TACR1: variants seen among roughly 807,000 people sequenced by gnomAD.
TACR1 encodes the protein tachykinin receptor 1.
In TACR1, 25 loss-of-function variants were observed where a neutral mutation model predicts 35.8. The ratio of observed to expected loss-of-function variants is 0.70; its 90% CI spans 0.51 to 0.98. The LOEUF (loss-of-function observed/expected upper bound fraction) is 0.98. Ranked by LOEUF, TACR1 falls within the 50% of genes least tolerant of loss-of-function variation. The pLI, the probability that TACR1 is intolerant of heterozygous loss-of-function variation, is 0.00. For missense variants in TACR1, 478 were observed against 522.9 expected (o/e 0.91, Z 0.84); for synonymous variants, 195 against 206.7 (o/e 0.94, Z 0.48).
intron 1 of TACR1, among the ~76,000 whole-genome samples, chr2:75,169,264 TTCC>T (rs1040033209): frequency 6.6e-6 from 1 of 152,218 alleles, no homozygotes; most frequent in African/African-American, 2.4e-5. Context: ...GTTTCGTTTA[TTCC>T]TCCTTTGAGT....
At chr2:75,153,756 G>T (rs973048945) in intron 1 of TACR1, among the ~76,000 whole-genome samples, 3 of 152,162 alleles carry the variant, frequency 2.0e-5, no homozygotes, top group African/African-American at 4.8e-5. Flanking sequence ...GATCCAGGTG[G>T]ACCAACCAGG....
rs541644332 is a variant in TACR1 at position 75,049,268 on chromosome 2, A to AT, written c.*163dup. On this transcript the variant is annotated 3_prime_UTR_variant, in exon 5 of 5. Transcript: ENST00000305249. ...GTGGCAAAGATAGGGAAGAATTGAG[A>AT]TTTTTTGACTCAAGGATGGAATGTT... The AT allele has an allele frequency of 2.4e-3, 1,848 of 756,320 alleles. 4 individuals carry two copies. Among genetic ancestry groups the AT allele is most frequent in the Non-Finnish European group, 3.5e-3 (1,702 of 482,164 alleles). The allele number at this position is 756,320 out of a possible 1,614,324, so 46.9% of individuals were successfully genotyped here.
chr2:75,088,506 A>G (rs1258598981), intron 2 of TACR1, among the ~76,000 whole-genome samples: 1 of 152,150 alleles, frequency 6.6e-6, no homozygotes. Flanking sequence ...TAGAGGGATA[A>G]TGTTTGTTTT....
At chr2:75,057,119 A>G (rs1414815442) in intron 2 of TACR1, among the ~76,000 whole-genome samples, 1 of 152,208 alleles carries the variant, frequency 6.6e-6, no homozygotes, top group African/African-American at 2.4e-5. Context: ...ATCCCCTGTG[A>G]CCTGCACGTA....
chr2:75,168,200 G>A (rs558791393), intron 1 of TACR1, among the ~76,000 whole-genome samples: 3 of 152,156 alleles, frequency 2.0e-5, no homozygotes, highest in South Asian at 2.1e-4. Context: ...TTGGTTAAAC[G>A]AGCTATGACC....
intron 2 of TACR1, among the ~76,000 whole-genome samples, chr2:75,085,911 C>G (rs1471990617): frequency 6.6e-6 from 1 of 152,146 alleles, no homozygotes; most frequent in Non-Finnish European, 1.5e-5. Flanking sequence ...TAGTATGCAC[C>G]AGTATTTTTA....
intron 1 of TACR1, among the ~76,000 whole-genome samples, chr2:75,182,575 T>G (rs1251879241): frequency 6.6e-6 from 1 of 152,234 alleles, no homozygotes; most frequent in African/African-American, 2.4e-5. Context: ...GCTGAAAGAT[T>G]GTTATTGCCT....
intron 1 of TACR1, among the ~76,000 whole-genome samples, chr2:75,182,470 G>A (rs954203333): frequency 2.0e-5 from 3 of 152,188 alleles, no homozygotes; most frequent in Non-Finnish European, 2.9e-5. Flanking sequence ...CATACTGACA[G>A]TGTGAATTTT....
chr2:75,137,362 A>G (rs1317024197), intron 1 of TACR1, among the ~76,000 whole-genome samples: 4 of 152,240 alleles, frequency 2.6e-5, no homozygotes, highest in Admixed American at 6.5e-5. Flanking sequence ...ACATATAGGT[A>G]GAGTGGTCAC....
At chr2:75,126,836 A>C (rs1009479952) in intron 1 of TACR1, among the ~76,000 whole-genome samples, 2 of 152,214 alleles carry the variant, frequency 1.3e-5, no homozygotes, top group Non-Finnish European at 2.9e-5. Flanking sequence ...GGCAAAGGAC[A>C]TGAACAGACA....
chr2:75,049,576 TG>T lies in TACR1; in HGVS notation c.1079del (p.Thr360LysfsTer23), dbSNP rs771045492. 3 of 1,614,156 alleles carry T rather than the reference TG, an allele frequency of 1.9e-6. No homozygotes were observed. The South Asian group carries it at 3.3e-5, about 18-fold the overall frequency. On this transcript the variant is annotated frameshift_variant, in exon 5 of 5. Transcript: ENST00000305249. LOFTEE classifies it high-confidence loss of function. Reference protein sequence around the residue: ...KVSRLETTISTVVGAHEEEPE... With the variant: ...KVSRLETTISXVVGAHEEEPE... ...GCTCCTCCTCGTGGGCCCCCACCAC[TG>T]TGGAGATGGTGGTCTCCAGGCGGCT...
chr2:75,151,348 C>T (rs563030476), intron 1 of TACR1, among the ~76,000 whole-genome samples: 3 of 152,194 alleles, frequency 2.0e-5, no homozygotes, highest in Non-Finnish European at 4.4e-5. Context: ...GGATCTGGCC[C>T]AGGGTCCCTG....
chr2:75,064,003 T>C (rs1049484440), intron 2 of TACR1, among the ~76,000 whole-genome samples: 3 of 151,894 alleles, frequency 2.0e-5, no homozygotes, highest in Non-Finnish European at 4.4e-5. Flanking sequence ...CAGCATGACA[T>C]GCATGATGAA....
chr2:75,111,696 A>G (rs1419709455), intron 2 of TACR1, among the ~76,000 whole-genome samples: 1 of 152,030 alleles, frequency 6.6e-6, no homozygotes, highest in African/African-American at 2.4e-5. Flanking sequence ...TAACAGAAAA[A>G]GTCAGAATAG....
intron 2 of TACR1, among the ~76,000 whole-genome samples, chr2:75,069,915 T>C (rs2103812981): frequency 6.6e-6 from 1 of 152,282 alleles, no homozygotes; most frequent in East Asian, 1.9e-4. Flanking sequence ...TTTTCTTTCT[T>C]TCCATACTCT....
chr2:75,107,995 A>C (rs935313741), intron 2 of TACR1, among the ~76,000 whole-genome samples: 3 of 152,084 alleles, frequency 2.0e-5, no homozygotes, highest in Admixed American at 2.0e-4. Context: ...ACTATGAAAT[A>C]GATTTTTTTC....
At chr2:75,099,393 TTC>T (rs977222198) in intron 2 of TACR1, among the ~76,000 whole-genome samples, 10 of 152,244 alleles carry the variant, frequency 6.6e-5, no homozygotes, top group Admixed American at 2.0e-4. Context: ...GCTGTTACAA[TTC>T]TCTCTGTGGA....
chr2:75,064,402 G>GGGT (rs1357482919), intron 2 of TACR1, among the ~76,000 whole-genome samples: 10 of 152,344 alleles, frequency 6.6e-5, no homozygotes, highest in Admixed American at 5.2e-4. Flanking sequence ...GACGGTCTTT[G>GGGT]GGTTGGCTGG....
chr2:75,051,254 T>A lies in TACR1; in HGVS notation c.929A>T (p.Asp310Val). ...YNPIIYCCLN[D>V]RFRLGFKHAF... The stretch of plus-strand genomic sequence containing the variant: ...CTCATGGGGTTGGGATCCTCACCTG[T>A]CATTGAGGCAGCAGTAGATGATGGG... Residue 310 changes from aspartate (D) to valine (V), a missense_variant, in exon 4 of 5, where the codon GAC becomes GTC. Asp to Val is a radical substitution (Grantham distance 152). Transcript: ENST00000305249. 6.2e-7 allele frequency: 1 copy of A among 1,614,152 alleles called. No homozygotes were observed. The highest frequency in any genetic ancestry group is 8.5e-7 in the Non-Finnish European group (1 of 1,180,014).
Sources: allele counts gnomAD v4.1 joint callset (sites outside exome capture counted in the v4.1 genomes callset), GRCh38; gene constraint gnomAD v4.1.1; transcripts MANE v1.5; gene names NCBI Gene and HGNC (gene_info 2026-07-23, HGNC 2026-07-21).